THSD7B: variants seen among roughly 807,000 people sequenced by gnomAD.
The protein encoded by THSD7B is thrombospondin type 1 domain containing 7B.
THSD7B carries 138 observed loss-of-function variants against 213.6 expected under a neutral mutation model. The observed-to-expected ratio is 0.65, with a 90% confidence interval of 0.56 to 0.74. THSD7B has a LOEUF of 0.74. THSD7B is among the 30% of genes least tolerant of loss of function. THSD7B has a pLI of 0.00. For missense variants in THSD7B, 1,931 were observed against 1,991.5 expected, an observed-to-expected ratio of 0.97 and a Z score of 0.58; for synonymous variants, 742 against 687.0, an observed-to-expected ratio of 1.08 and a Z score of -1.25.
At chr2:137,660,028 T>C (rs781215523) in intron 25 of THSD7B, among the ~76,000 whole-genome samples, 4 of 152,246 alleles carry the variant, frequency 2.6e-5, no homozygotes, top group Non-Finnish European at 5.9e-5. Flanking sequence ...GACTTATGTC[T>C]TCTCTTCTTA....
intron 17 of THSD7B, among the ~76,000 whole-genome samples, chr2:137,590,129 G>A (rs1681832358): frequency 6.6e-6 from 1 of 151,838 alleles, no homozygotes. Flanking sequence ...TTTTACTCCA[G>A]AACAGAACTC....
At chr2:137,354,095 G>C (rs547194167) in intron 12 of THSD7B, among the ~76,000 whole-genome samples, 1 of 151,966 alleles carries the variant, frequency 6.6e-6, no homozygotes, top group East Asian at 2.0e-4. Flanking sequence ...TGCTTGAAAT[G>C]ATAACTATGT....
chr2:137,613,474 T>C (rs1271917546), intron 17 of THSD7B, among the ~76,000 whole-genome samples: 2 of 152,148 alleles, frequency 1.3e-5, no homozygotes, highest in East Asian at 1.9e-4. Context: ...TAAGGGAAGA[T>C]TGAACTTTAA....
chr2:137,549,310 CTT>C (rs1027305359), intron 15 of THSD7B, among the ~76,000 whole-genome samples: 8 of 25,206 alleles, frequency 3.2e-4, no homozygotes, highest in African/African-American at 1.3e-3. Context: ...TTCAGATGCT[CTT>C]TTTTTTTTTT....
intron 17 of THSD7B, among the ~76,000 whole-genome samples, chr2:137,593,412 A>C (rs1268655895): frequency 6.6e-6 from 1 of 152,002 alleles, no homozygotes; most frequent in African/African-American, 2.4e-5. Context: ...ATTTTAATAC[A>C]ACCTCATCAA....
chr2:136,788,267 T>C (rs1681905098), intron 1 of THSD7B, among the ~76,000 whole-genome samples: 1 of 152,178 alleles, frequency 6.6e-6, no homozygotes, highest in Admixed American at 6.5e-5. Flanking sequence ...TCACAATTGA[T>C]TGAAGGAATG....
chr2:137,456,600 G>T (rs1687768839), intron 15 of THSD7B, among the ~76,000 whole-genome samples: 1 of 152,210 alleles, frequency 6.6e-6, no homozygotes, highest in Non-Finnish European at 1.5e-5. Context: ...CTTTACTGGA[G>T]CAAGAAATCA....
intron 15 of THSD7B, among the ~76,000 whole-genome samples, chr2:137,521,647 T>C (rs971449240): frequency 2.0e-5 from 3 of 152,196 alleles, no homozygotes; most frequent in Non-Finnish European, 4.4e-5. Flanking sequence ...AGAGCATGGT[T>C]GGAAGAAGTG....
At chr2:136,954,714 C>CAAAAAAAAAAAAAAAAAAAAAAAAAAAA (rs11378111) in intron 2 of THSD7B, among the ~76,000 whole-genome samples, 6 of 89,398 alleles carry the variant, frequency 6.7e-5, no homozygotes, top group African/African-American at 3.4e-4. Context: ...GACTCTGTCT[C>CAAAAAAAAAAAAAAAAAAAAAAAAAAAA]AAAAAAAAAA....
intron 5 of THSD7B, among the ~76,000 whole-genome samples, chr2:137,158,189 G>A (rs1034973661): frequency 2.0e-5 from 3 of 152,186 alleles, no homozygotes; most frequent in Admixed American, 6.5e-5. Context: ...TGACTGTCTT[G>A]TGTGTGTCTT....
At chr2:137,248,672 C>T (rs1682097195) in intron 10 of THSD7B, among the ~76,000 whole-genome samples, 2 of 152,152 alleles carry the variant, frequency 1.3e-5, no homozygotes, top group African/African-American at 4.8e-5. Context: ...CCCTCCTCTT[C>T]ACAGAACCAT....
At position 137,655,487 on chromosome 2, in the gene THSD7B, C is replaced by T. The variant is rs368722128; in HGVS notation, c.3946-14C>T. ...TTATTTGGGTAATTGTGAAAGTATCCTTTCCTCTCATAGGGTGGAGACTGT... is the reference window on the plus strand; with the variant it reads ...TTATTTGGGTAATTGTGAAAGTATCTTTTCCTCTCATAGGGTGGAGACTGT... On this transcript the variant is annotated splice_polypyrimidine_tract_variant and intron_variant, in intron 21 of 27. Coordinates refer to ENST00000409968, the MANE Select transcript of THSD7B (RefSeq NM_001316349.2). 1.9e-5 allele frequency: 31 copies of T among 1,599,772 alleles called. No homozygotes were observed. The highest frequency in any genetic ancestry group is 1.9e-4 in the South Asian group (17 of 88,744).
intron 17 of THSD7B, among the ~76,000 whole-genome samples, chr2:137,583,293 G>T (rs1345189594): frequency 3.3e-5 from 5 of 152,118 alleles, no homozygotes; most frequent in Non-Finnish European, 7.4e-5. Context: ...TAGGTTGCCT[G>T]TTCACTCTGA....
intron 12 of THSD7B, among the ~76,000 whole-genome samples, chr2:137,377,662 T>G (rs1191295444): frequency 6.6e-6 from 1 of 151,944 alleles, no homozygotes; most frequent in East Asian, 1.9e-4. Flanking sequence ...AGCCTCCTTC[T>G]GTTACCCAGG....
chr2:136,983,364 C>CAG (rs1413272657), intron 2 of THSD7B, among the ~76,000 whole-genome samples: 3 of 148,758 alleles, frequency 2.0e-5, no homozygotes, highest in South Asian at 4.5e-4. Context: ...CACAGACACA[C>CAG]ACACACGCAC....
chr2:137,212,938 A>G (rs529750151), intron 7 of THSD7B, among the ~76,000 whole-genome samples: 7 of 151,884 alleles, frequency 4.6e-5, no homozygotes, highest in African/African-American at 1.4e-4. Context: ...ATAAAAGTTC[A>G]AGGACAGGAA....
chr2:137,020,659 C>G (rs1686426361), intron 2 of THSD7B, among the ~76,000 whole-genome samples: 1 of 152,026 alleles, frequency 6.6e-6, no homozygotes. Context: ...CCCCATTAGC[C>G]TCCAGGCAGC....
chr2:137,241,351 T>C (rs941032646), intron 9 of THSD7B, among the ~76,000 whole-genome samples: 34 of 152,232 alleles, frequency 2.2e-4, no homozygotes, highest in African/African-American at 8.0e-4. Flanking sequence ...ATAAATGTGA[T>C]TGTTAGCCAT....
At position 137,337,193 on chromosome 2, in the gene THSD7B, C is replaced by G. The variant is rs552003963; in HGVS notation, c.2500+61167C>G. Among the ~76,000 whole-genome samples the G allele has an allele frequency of 1.6e-4, 24 of 152,094 alleles. 1 individual carries two copies. The highest frequency in any genetic ancestry group is 1.2e-3 in the South Asian group (6 of 4,818). ...AACTTATTCAGATTTCACCAATTAT[C>G]CCACTACTTTTGTTTTGTCTTGATT... On this transcript the variant is annotated intron_variant, in intron 12 of 27. Transcript: ENST00000409968.
Sources: gnomAD v4.1 joint callset for allele counts (sites outside exome capture counted in the v4.1 genomes callset) on GRCh38, gnomAD v4.1.1 for gene constraint, MANE v1.5 for transcripts, NCBI Gene and HGNC (gene_info 2026-07-23, HGNC 2026-07-21) for gene names.